The following AEBP2 variants were observed in gnomAD, a reference collection of about 807,000 sequenced individuals.
AEBP2 encodes AE binding protein 2.
Under a neutral mutation model 50.8 loss-of-function variants are expected in AEBP2, and 10 were observed. The observed-to-expected ratio is 0.20, with a 90% CI of 0.12 to 0.33. The LOEUF is 0.33. Ranked by LOEUF, AEBP2 falls within the 10% of genes least tolerant of loss-of-function variation. The probability of loss-of-function intolerance (pLI) is 1.00; values close to 1 mark genes in which losing one functional copy is unlikely to be tolerated. For missense variants in AEBP2, 570 were observed against 688.0 expected (o/e 0.83, Z 1.92); for synonymous variants, 296 against 261.3 (o/e 1.13, Z -1.28).
chr12:19,497,986 T>C (rs1467419638), intron 4 of AEBP2, among the ~76,000 whole-genome samples: 1 of 152,214 alleles, frequency 6.6e-6, no homozygotes, highest in Non-Finnish European at 1.5e-5. Flanking sequence ...CACACCTACT[T>C]TGGAACTACT....
chr12:19,497,328 GTTTT>G (rs34011915), intron 4 of AEBP2, among the ~76,000 whole-genome samples: 1 of 78,710 alleles, frequency 1.3e-5, no homozygotes, highest in Non-Finnish European at 2.2e-5. Context: ...TTCCAAAGGT[GTTTT>G]TTTTTTTTTT....
chr12:19,477,549 A>G (rs1027003721), intron 3 of AEBP2, among the ~76,000 whole-genome samples: 1 of 152,164 alleles, frequency 6.6e-6, no homozygotes. Context: ...TATTGAGATC[A>G]CATGATTTTC....
intron 3 of AEBP2, among the ~76,000 whole-genome samples, chr12:19,480,642 T>A (rs752116144): frequency 6.6e-6 from 1 of 152,258 alleles, no homozygotes; most frequent in Non-Finnish European, 1.5e-5. Context: ...GTAAGGTTTC[T>A]GCTGAGAAGT....
chr12:19,469,822 G>T (rs918333864), intron 2 of AEBP2, among the ~76,000 whole-genome samples: 7 of 152,078 alleles, frequency 4.6e-5, no homozygotes, highest in African/African-American at 1.7e-4. Context: ...GACTGGACTT[G>T]GGACCCCTGT....
chr12:19,458,105 A>G (rs1169675566), intron 1 of AEBP2, among the ~76,000 whole-genome samples: 1 of 152,214 alleles, frequency 6.6e-6, no homozygotes, highest in East Asian at 1.9e-4. Context: ...CTCTTGTTAC[A>G]TAACGTATTA....
At chr12:19,475,742 A>G (rs1948640291) in intron 3 of AEBP2, among the ~76,000 whole-genome samples, 1 of 152,150 alleles carries the variant, frequency 6.6e-6, no homozygotes, top group African/African-American at 2.4e-5. Flanking sequence ...CACCACATCC[A>G]TGCCAACATC....
At chr12:19,512,968 A>C (rs1048576221) in intron 6 of AEBP2, among the ~76,000 whole-genome samples, 4 of 152,036 alleles carry the variant, frequency 2.6e-5, no homozygotes, top group Non-Finnish European at 5.9e-5. Context: ...AACAAAACAA[A>C]CAAAAATCTT....
chr12:19,485,836 G>A (rs933332854), intron 3 of AEBP2, among the ~76,000 whole-genome samples: 4 of 151,836 alleles, frequency 2.6e-5, no homozygotes, highest in African/African-American at 9.7e-5. Context: ...GAGATTCTCT[G>A]GGTTAGGGAT....
chr12:19,473,460 C>T, intron 3 of AEBP2, 105 bp downstream of exon 3: 1 of 385,276 alleles, frequency 2.6e-6, no homozygotes. Context: ...GGCTGGAGTG[C>T]AATGGTGCCA....
chr12:19,451,201 A>G (rs904226814), intron 1 of AEBP2, among the ~76,000 whole-genome samples: 8 of 152,166 alleles, frequency 5.3e-5, no homozygotes, highest in African/African-American at 9.7e-5. Flanking sequence ...TTATGAATCT[A>G]TGATTTGGGC....
intron 1 of AEBP2, among the ~76,000 whole-genome samples, chr12:19,427,068 G>A (rs1320495483): frequency 6.6e-6 from 1 of 152,100 alleles, no homozygotes; most frequent in South Asian, 2.1e-4. Flanking sequence ...AACTGACTGA[G>A]GATTCGATAG....
chr12:19,497,719 C>T (rs1949009046), intron 4 of AEBP2, among the ~76,000 whole-genome samples: 1 of 152,162 alleles, frequency 6.6e-6, no homozygotes, highest in Non-Finnish European at 1.5e-5. Flanking sequence ...TGATCCGCCT[C>T]CTGCCTTGGC....
In AEBP2 at chr12:19,433,802, CA is replaced by C. The variant is rs112434450; in HGVS notation, c.-16-28696del. Among the ~76,000 whole-genome samples the C allele has an allele frequency of 3.7e-3, 519 of 138,902 alleles. 4 individuals carry two copies. Among genetic ancestry groups the C allele is most frequent in the African/African-American group, 0.011 (421 of 38,052 alleles). 91.1% of individuals were successfully genotyped at this position (138,902 alleles called of 152,430 possible). A position where few individuals can be genotyped will look rare whatever the true frequency, so the allele number is the denominator to read the frequency against. ...TGGGTGAAAGAGTGAAACTCCGTCT[CA>C]AAAAAAAAAAAGTATAAACTCTAGT... On this transcript the variant is annotated intron_variant, in intron 1 of 3. Transcript: ENST00000538425.
chr12:19,409,603 T>C (rs2095738224), intron 1 of AEBP2, among the ~76,000 whole-genome samples: 1 of 152,118 alleles, frequency 6.6e-6, no homozygotes, highest in African/African-American at 2.4e-5. Context: ...TGGGGGGAAA[T>C]GATTTTAGTC....
At chr12:19,516,749 C>T (rs1247262515) in intron 7 of AEBP2, among the ~76,000 whole-genome samples, 5 of 152,032 alleles carry the variant, frequency 3.3e-5, no homozygotes, top group Non-Finnish European at 5.9e-5. Context: ...CGTCTTGGCC[C>T]GGTGAGGTGG....
chr12:19,471,128 T>C (rs1370365629), intron 2 of AEBP2, among the ~76,000 whole-genome samples: 2 of 152,198 alleles, frequency 1.3e-5, no homozygotes, highest in Admixed American at 6.5e-5. Flanking sequence ...GTGTTTTTTT[T>C]TCTTGAGAGA....
At chr12:19,484,665 G>GCTCACAC (rs2120372086) in intron 3 of AEBP2, among the ~76,000 whole-genome samples, 1 of 152,134 alleles carries the variant, frequency 6.6e-6, no homozygotes, top group South Asian at 2.1e-4. Context: ...GAGCCACCGC[G>GCTCACAC]CCTGGCCCAT....
At chr12:19,489,990 C>CTTTTT (rs71067029) in intron 3 of AEBP2, among the ~76,000 whole-genome samples, 790 of 47,646 alleles carry the variant, frequency 0.017, 9 homozygotes, top group East Asian at 0.02. Context: ...TTAAAATAAA[C>CTTTTT]TTTTTTTTTT....
At chr12:19,428,459 A>G (rs949421310) in intron 1 of AEBP2, among the ~76,000 whole-genome samples, 1 of 152,224 alleles carries the variant, frequency 6.6e-6, no homozygotes, top group African/African-American at 2.4e-5. Context: ...GGAAGGAGAT[A>G]GGAATCAGAC....
Sources: allele counts gnomAD v4.1 joint callset (sites outside exome capture counted in the v4.1 genomes callset), GRCh38; gene constraint gnomAD v4.1.1; transcripts MANE v1.5; gene names NCBI Gene and HGNC (gene_info 2026-07-23, HGNC 2026-07-21).